SBNO2: variants seen among roughly 807,000 people sequenced by gnomAD.
SBNO2 encodes the protein strawberry notch homolog 2.
SBNO2 carries 89 observed loss-of-function variants against 146.3 expected under a neutral mutation model. The observed-to-expected ratio is 0.61, with a 90% CI of 0.51 to 0.73. The LOEUF is 0.73. Ranked by LOEUF, SBNO2 falls within the 30% of genes least tolerant of loss-of-function variation. The pLI is 0.00. For synonymous variants in SBNO2, 1,147 were observed against 892.6 expected, an observed-to-expected ratio of 1.29 and a Z score of -5.08; for missense variants, 2,092 against 2,003.7, an observed-to-expected ratio of 1.04 and a Z score of -0.84.
At chr19:1,162,945 C>G (rs2080363717) in intron 1 of SBNO2, among the ~76,000 whole-genome samples, 1 of 152,136 alleles carries the variant, frequency 6.6e-6, no homozygotes, top group Non-Finnish European at 1.5e-5. Flanking sequence ...GTGGACGGGA[C>G]AGAGCCCCAG....
intron 1 of SBNO2, among the ~76,000 whole-genome samples, chr19:1,162,271 A>C: frequency 1.1e-4 from 1 of 9,304 alleles, no homozygotes; most frequent in Non-Finnish European, 2.2e-4. Flanking sequence ...CAGCCTGGCT[A>C]ACACGGTGAA....
chr19:1,111,396 G>C, intron 24 of SBNO2, 110 bp downstream of exon 24: 1 of 792,926 alleles, frequency 1.3e-6, no homozygotes, highest in South Asian at 1.6e-5. Flanking sequence ...TGTGGGGAGG[G>C]GTCACTCAAC....
In SBNO2 at chr19:1,149,369, C is replaced by G. The variant is rs778860625; in HGVS notation, c.167G>C (p.Arg56Pro). ...PPYPAFSSDS[R>P]PFMSSASFLG... ...AGGCGGGGAGGGTCCCGGTACTCACCGGCTGTCGCTGGAGAAGGCAGGGTA... is the reference window on the plus strand; with the variant it reads ...AGGCGGGGAGGGTCCCGGTACTCACGGGCTGTCGCTGGAGAAGGCAGGGTA... The change falls in exon 3 of 32, where the codon CGC becomes CCC. Residue 56 changes from arginine to proline, a missense_variant and splice_region_variant. Coordinates refer to ENST00000361757, the MANE Select transcript of SBNO2 (RefSeq NM_014963.3). 1 of 1,551,508 alleles carries G rather than the reference C, an allele frequency of 6.4e-7. No homozygotes were observed. Among genetic ancestry groups the G allele is most frequent in the Non-Finnish European group, 8.7e-7 (1 of 1,147,616 alleles).
Position 1,126,239 on chromosome 19 carries a change from G to A in SBNO2, c.441+1365C>T, listed in dbSNP as rs2079964169. 6.6e-6 allele frequency among the ~76,000 whole-genome samples: 1 copy of A among 152,068 alleles called. No homozygotes were observed. The highest frequency in any genetic ancestry group is 1.5e-5 in the Non-Finnish European group (1 of 68,022). ...AGAAAGTGGAAGCGTGGCACAGGAA[G>A]GTTAGAAACCTATACTCAGTTGCCC... is the stretch of plus-strand genomic sequence containing the variant. On this transcript the variant is annotated intron_variant, in intron 5 of 31. Coordinates refer to ENST00000361757, the MANE Select transcript of SBNO2 (RefSeq NM_014963.3). This position sits in a 1 kb window ranked among gnomAD's most constrained non-coding sequence, Gnocchi z 4.4.
chr19:1,129,291 C>A (rs1417805470), intron 4 of SBNO2, among the ~76,000 whole-genome samples: 5 of 151,972 alleles, frequency 3.3e-5, no homozygotes, highest in Non-Finnish European at 5.9e-5. Context: ...AAGAAAAAAA[C>A]CAGGCATGTC....
rs1023786222 is a variant in SBNO2 at position 1,136,786 on chromosome 19, G to C, written c.280-9021C>G. Among the ~76,000 whole-genome samples the C allele has an allele frequency of 1.3e-5, 2 of 152,198 alleles. No individual in the cohort carries two copies. Among genetic ancestry groups the C allele is most frequent in the African/African-American group, 4.8e-5 (2 of 41,448 alleles). On this transcript the variant is annotated intron_variant, in intron 4 of 31. Coordinates refer to ENST00000361757, the MANE Select transcript of SBNO2 (RefSeq NM_014963.3). This position sits in a 1 kb window ranked among gnomAD's most constrained non-coding sequence, Gnocchi z 4.2. ...CTGCCTGCCTCCCTGCCTGAAAGCA[G>C]CCAGAGTTTGCAAAGCGCTTTTCTG...
In SBNO2 at chr19:1,132,971, C is replaced by T. The variant is rs564951456; in HGVS notation, c.280-5206G>A. 3.9e-3 allele frequency among the ~76,000 whole-genome samples: 587 copies of T among 152,338 alleles called. 3 individuals are homozygous for T. The highest frequency in any genetic ancestry group is 6.6e-3 in the South Asian group (32 of 4,834). Reference sequence around the variant, plus strand: ...ATGCACTTGCTGGGGCAACCCCGGGCCGCGAGCCCGCCCGCGGCCACACTC... The same window carrying T: ...ATGCACTTGCTGGGGCAACCCCGGGTCGCGAGCCCGCCCGCGGCCACACTC... On this transcript the variant is annotated intron_variant, in intron 4 of 31. Coordinates refer to ENST00000361757, the MANE Select transcript of SBNO2 (RefSeq NM_014963.3).
intron 4 of SBNO2, among the ~76,000 whole-genome samples, chr19:1,133,224 G>C (rs899730487): frequency 6.6e-6 from 1 of 150,910 alleles, no homozygotes; most frequent in Non-Finnish European, 1.5e-5. Flanking sequence ...TTGCCCACGA[G>C]ACCGCGGCCG....
At chr19:1,114,468 G>C in intron 17 of SBNO2, 46 bp from the exon 18 acceptor site, 2 of 1,446,120 alleles carry the variant, frequency 1.4e-6, no homozygotes, top group Non-Finnish European at 1.8e-6. Flanking sequence ...GCAGCAAGGT[G>C]GAGGAGCAGG....
intron 1 of SBNO2, among the ~76,000 whole-genome samples, chr19:1,169,576 C>A (rs779170520): frequency 6.6e-6 from 1 of 152,170 alleles, no homozygotes; most frequent in African/African-American, 2.4e-5. Context: ...TGGGCCTGGG[C>A]GAGGGGCCCC....
At chr19:1,116,962 T>A in intron 15 of SBNO2, 36 bp from the exon 16 acceptor site, 2 of 1,517,636 alleles carry the variant, frequency 1.3e-6, no homozygotes, top group Non-Finnish European at 1.8e-6. Flanking sequence ...CCACCAGCCC[T>A]GCTGTGGGGC....
intron 4 of SBNO2, among the ~76,000 whole-genome samples, chr19:1,129,810 T>C (rs1023100952): frequency 6.6e-6 from 1 of 151,868 alleles, no homozygotes; most frequent in Non-Finnish European, 1.5e-5. Flanking sequence ...GGAGGAGAGC[T>C]CCCCAAACCC....
At position 1,144,307 on chromosome 19, in the gene SBNO2, TC is replaced by T. The variant is rs1463289052; in HGVS notation, c.279+3001del. ...CCACACTTGGCACCGGGGTCAGACT[TC>T]CTCCAAATGAAGTTCTGCTGCTTTA... is the stretch of plus-strand genomic sequence containing the variant. On this transcript the variant is annotated intron_variant, in intron 4 of 31. Coordinates refer to ENST00000361757, the MANE Select transcript of SBNO2 (RefSeq NM_014963.3). This position sits in a 1 kb window ranked among gnomAD's most constrained non-coding sequence, Gnocchi z 4.1. Among the ~76,000 whole-genome samples, 1 of 152,116 alleles carries T rather than the reference TC, an allele frequency of 6.6e-6. No individual in the cohort carries two copies. Among genetic ancestry groups the T allele is most frequent in the Non-Finnish European group, 1.5e-5 (1 of 68,020 alleles).
At chr19:1,152,951 G>C (rs947275339) in intron 2 of SBNO2, among the ~76,000 whole-genome samples, 4 of 152,012 alleles carry the variant, frequency 2.6e-5, no homozygotes, top group Non-Finnish European at 4.4e-5. Flanking sequence ...CCGGGAGTTT[G>C]AGACCAGCGT....
In SBNO2 at chr19:1,119,072, C is replaced by T. The variant is rs755834135; in HGVS notation, c.1466G>A (p.Arg489His). 7 of 1,605,678 alleles carry T rather than the reference C, an allele frequency of 4.4e-6. No individual in the cohort carries two copies. The highest frequency in any genetic ancestry group is 2.2e-5 in the East Asian group (1 of 44,580). The change falls in exon 14 of 32, where the codon CGC (arginine) becomes CAC (histidine). Residue 489 changes from arginine (R) to histidine (H), a missense_variant. By Grantham distance (29) the Arg-to-His change is conservative. Transcript: ENST00000361757. ...RQLSFSGVTF[R>H]IEEIPLAPAF... ...TGGGGCCAGCGGGATCTCCTCGATG[C>T]GGAAGGTGACGCCGGAGAAGCTGAG...
At chr19:1,160,588 C>G (rs544627506) in intron 1 of SBNO2, among the ~76,000 whole-genome samples, 1 of 152,110 alleles carries the variant, frequency 6.6e-6, no homozygotes, top group East Asian at 1.9e-4. Flanking sequence ...TGTGGACCCA[C>G]TGGGGGTCTC....
At chr19:1,162,289 C>G (rs1290594354) in intron 1 of SBNO2, among the ~76,000 whole-genome samples, 10 of 51,828 alleles carry the variant, frequency 1.9e-4, no homozygotes, top group Non-Finnish European at 4.0e-4. Flanking sequence ...GAAACCCCGT[C>G]TCTACTAAAA....
chr19:1,111,421 C>T, intron 24 of SBNO2, 85 bp downstream of exon 24: 1 of 975,684 alleles, frequency 1.0e-6, no homozygotes, highest in South Asian at 1.5e-5. Context: ...AACCGGCCTA[C>T]AAAGCCTGCT....
At chr19:1,114,102 C>A in intron 18 of SBNO2, 129 bp downstream of exon 18, 1 of 828,060 alleles carries the variant, frequency 1.2e-6, no homozygotes, top group Non-Finnish European at 1.8e-6. Context: ...AGGGCTACAA[C>A]CTGGGGTGGG....
Sources: gnomAD v4.1 joint callset for allele counts (sites outside exome capture counted in the v4.1 genomes callset) on GRCh38, gnomAD v4.1.1 for gene constraint, Gnocchi (gnomAD v3.1) non-coding constraint, MANE v1.5 for transcripts, NCBI Gene and HGNC (gene_info 2026-07-23, HGNC 2026-07-21) for gene names.